Variants in ERCC6L2 observed in about 807,000 individuals in gnomAD.
The protein encoded by ERCC6L2 is DNA excision repair protein ERCC-6-like 2.
In ERCC6L2, 77 loss-of-function variants were observed where a neutral mutation model predicts 132.0. That is an observed-to-expected ratio of 0.58 (90% CI 0.49 to 0.71). The LOEUF (loss-of-function observed/expected upper bound fraction) is 0.71, where lower values mean the gene tolerates loss of function less well. ERCC6L2 is among the 30% of genes least tolerant of loss of function. The probability of loss-of-function intolerance (pLI) is 0.00; values close to 1 mark genes in which losing one functional copy is unlikely to be tolerated. For missense variants in ERCC6L2, 1,542 were observed against 1,837.6 expected (o/e 0.84, Z 2.94); for synonymous variants, 583 against 632.4 (o/e 0.92, Z 1.17).
intron 13 of ERCC6L2, among the ~76,000 whole-genome samples, chr9:95,964,346 G>C (rs1832053746): frequency 6.6e-6 from 1 of 152,120 alleles, no homozygotes; most frequent in South Asian, 2.1e-4. Flanking sequence ...ATTTCGACTT[G>C]CTCCCATCAT....
At chr9:95,919,156 C>T (rs549045742) in intron 6 of ERCC6L2, among the ~76,000 whole-genome samples, 3 of 152,042 alleles carry the variant, frequency 2.0e-5, no homozygotes, top group African/African-American at 7.2e-5. Flanking sequence ...CCACCACGCC[C>T]GGCCTGTGTC....
At chr9:96,035,180 G>A (rs1834505202) in intron 19 of ERCC6L2, among the ~76,000 whole-genome samples, 1 of 152,172 alleles carries the variant, frequency 6.6e-6, no homozygotes, top group Non-Finnish European at 1.5e-5. Context: ...TTGGTGCTGA[G>A]CCTGGGGCCA....
chr9:95,932,422 C>T (rs1830382186), intron 11 of ERCC6L2, among the ~76,000 whole-genome samples: 1 of 151,972 alleles, frequency 6.6e-6, no homozygotes, highest in African/African-American at 2.4e-5. Flanking sequence ...TTGGAGTTAC[C>T]TTTTGTTTTA....
At chr9:95,947,345 C>G (rs976690109) in intron 12 of ERCC6L2, among the ~76,000 whole-genome samples, 22 of 152,216 alleles carry the variant, frequency 1.4e-4, no homozygotes, top group African/African-American at 5.3e-4. Context: ...CAGAGCAAGT[C>G]TCTAACACAC....
rs1348078567 is a variant in ERCC6L2, at chr9:96,004,562, A to C, written c.3535A>C (p.Lys1179Gln). 3 of 1,309,494 alleles carry C rather than the reference A, an allele frequency of 2.3e-6. No individual in the cohort carries two copies. In the African/African-American group the frequency reaches 4.5e-5, roughly 20 times the overall value. The allele number at this position is 1,309,494 out of a possible 1,614,324, so 81.1% of individuals were successfully genotyped here. The change falls in exon 18 of 19, where the codon AAG becomes CAG. Residue 1179 changes from lysine (K) to glutamine (Q), a missense_variant. Coordinates refer to ENST00000653738, the MANE Select transcript of ERCC6L2 (RefSeq NM_020207.7). The stretch of plus-strand genomic sequence containing the variant: ...GGATGCAGATACATTGCCACACACA[A>C]AGAAAGGCCAGCAACCGAGTGAAGG... ...KVDADTLPHT[K>Q]KGQQPSEGSI...
rs553689657 is a variant in ERCC6L2, at chr9:95,944,075, T to C, written c.1847+2526T>C. Among the ~76,000 whole-genome samples, 275 of 152,312 alleles carry C rather than the reference T, an allele frequency of 1.8e-3. 1 individual carries two copies. Among genetic ancestry groups the C allele is most frequent in the Non-Finnish European group, 3.4e-3 (232 of 68,022 alleles). ...ACTTGAAGAGATACTTGTACACTCA[T>C]GTTCATAGCACCTGTATTCACAATA... On this transcript the variant is annotated intron_variant, in intron 12 of 18. Transcript: ENST00000653738.
At position 96,040,676 on chromosome 9, in the gene ERCC6L2, C is replaced by T. The variant is rs571853604; in HGVS notation, c.*1755+1549C>T. On this transcript the variant is annotated intron_variant and NMD_transcript_variant, in intron 20 of 20. Transcript: ENST00000670016. ...CTGCCATGACTCTTATGTCCGTATG[C>T]GTGGCCCATGGCCACACCTCATGGG... 3.9e-5 allele frequency among the ~76,000 whole-genome samples: 6 copies of T among 152,382 alleles called. No individual in the cohort carries two copies. The South Asian group carries it at 6.2e-4, about 16-fold the overall frequency.
At chr9:95,895,329 T>G (rs1439151091) in intron 2 of ERCC6L2, among the ~76,000 whole-genome samples, 2 of 152,138 alleles carry the variant, frequency 1.3e-5, no homozygotes, top group Non-Finnish European at 2.9e-5. Flanking sequence ...TTTTAAGAAG[T>G]TTTTCTTGTA....
chr9:96,027,104 A>C (rs1267843239), intron 19 of ERCC6L2, among the ~76,000 whole-genome samples: 7 of 143,078 alleles, frequency 4.9e-5, no homozygotes, highest in African/African-American at 7.9e-5. Context: ...ACCACCCCAC[A>C]CACTACACAC....
chr9:96,027,990 T>G (rs1834405438), intron 19 of ERCC6L2: 1 of 152,236 alleles, frequency 6.6e-6, no homozygotes, highest in Admixed American at 6.5e-5. Context: ...ATTCTCCGCT[T>G]TCTAGGAGCG....
intron 17 of ERCC6L2, among the ~76,000 whole-genome samples, chr9:96,001,137 T>C (rs1232900614): frequency 6.6e-6 from 1 of 152,216 alleles, no homozygotes; most frequent in African/African-American, 2.4e-5. Flanking sequence ...GGAGTGAAGC[T>C]GCAGATCTTT....
chr9:96,033,894 G>T (rs1409859819), intron 19 of ERCC6L2, among the ~76,000 whole-genome samples: 2 of 152,192 alleles, frequency 1.3e-5, no homozygotes, highest in African/African-American at 4.8e-5. Flanking sequence ...GCATACCGGG[G>T]CTCAGAAGGC....
intron 13 of ERCC6L2, 152 bp from the exon 14 acceptor site, chr9:95,966,410 A>G: frequency 2.1e-6 from 1 of 485,756 alleles, no homozygotes. Flanking sequence ...CCATAATGGC[A>G]ACATCTGCCA....
intron 4 of ERCC6L2, 116 bp from the exon 5 acceptor site, chr9:95,915,552 G>A: frequency 9.3e-7 from 1 of 1,078,840 alleles, no homozygotes; most frequent in Non-Finnish European, 1.3e-6. Flanking sequence ...AGTCATCAAA[G>A]AGTAAAAAGG....
At chr9:95,966,387 T>G (rs1389988633) in intron 13 of ERCC6L2, among the ~76,000 whole-genome samples, 175 bp from the exon 14 acceptor site, 1 of 152,186 alleles carries the variant, frequency 6.6e-6, no homozygotes, top group Non-Finnish European at 1.5e-5. Flanking sequence ...CTGGCCAGAT[T>G]ATTATTATTT....
chr9:95,907,155 CA>C lies in ERCC6L2; in HGVS notation c.673del (p.Thr225LeufsTer12). On this transcript the variant is annotated frameshift_variant, in exon 4 of 19. Coordinates refer to ENST00000653738, the MANE Select transcript of ERCC6L2 (RefSeq NM_020207.7). LOFTEE classifies it high-confidence loss of function. Reference sequence around the variant, plus strand: ...TGGACACCTGGGGATATTTCAGAGTCACTGTTTTACATGGAAACAGAAAAGA... The same window carrying C: ...TGGACACCTGGGGATATTTCAGAGTCCTGTTTTACATGGAAACAGAAAAGA... ...ELDTWGYFRV[T>X]VLHGNRKDNE... The C allele has an allele frequency of 6.2e-7, 1 of 1,613,278 alleles. No homozygotes were observed. Among genetic ancestry groups the C allele is most frequent in the East Asian group, 2.2e-5 (1 of 44,804 alleles).
intron 4 of ERCC6L2, among the ~76,000 whole-genome samples, chr9:95,912,751 T>C (rs1829401319): frequency 6.6e-6 from 1 of 152,226 alleles, no homozygotes; most frequent in East Asian, 1.9e-4. Flanking sequence ...CCAACTTGTA[T>C]TTTTTAATTA....
At chr9:95,949,075 G>A (rs923828543) in intron 12 of ERCC6L2, among the ~76,000 whole-genome samples, 5 of 151,986 alleles carry the variant, frequency 3.3e-5, no homozygotes, top group African/African-American at 9.7e-5. Flanking sequence ...TTCTGGACAC[G>A]AAATTCAATT....
At chr9:95,906,166 G>T (rs1451075675) in intron 3 of ERCC6L2, among the ~76,000 whole-genome samples, 1 of 152,130 alleles carries the variant, frequency 6.6e-6, no homozygotes, top group East Asian at 1.9e-4. Flanking sequence ...TCAAGAGAGA[G>T]CAGGAGGAGA....
Sources: allele counts gnomAD v4.1 joint callset (sites outside exome capture counted in the v4.1 genomes callset), GRCh38; gene constraint gnomAD v4.1.1; transcripts MANE v1.5; gene names NCBI Gene and HGNC (gene_info 2026-07-23, HGNC 2026-07-21).